EXOC4: variants seen among roughly 807,000 people sequenced by gnomAD.
The protein encoded by EXOC4 is SEC8-like 1.
Under a neutral mutation model 107.2 loss-of-function variants are expected in EXOC4, and 71 were observed. That is an observed-to-expected ratio of 0.66 (90% confidence interval 0.55 to 0.81). The LOEUF is 0.81. Ranked by LOEUF, EXOC4 falls within the 30% of genes least tolerant of loss-of-function variation. The pLI is 0.00. For synonymous variants in EXOC4, 456 were observed against 441.2 expected (o/e 1.03, Z -0.42); for missense variants, 1,108 against 1,189.6 (o/e 0.93, Z 1.01).
intron 14 of EXOC4, among the ~76,000 whole-genome samples, chr7:133,960,018 A>G (rs1800905914): frequency 6.6e-6 from 1 of 152,184 alleles, no homozygotes; most frequent in Admixed American, 6.5e-5. Flanking sequence ...TGGGGATTCT[A>G]GAGTAGTTAC....
At chr7:134,043,104 G>A (rs900295314) in intron 17 of EXOC4, among the ~76,000 whole-genome samples, 1 of 152,020 alleles carries the variant, frequency 6.6e-6, no homozygotes, top group Non-Finnish European at 1.5e-5. Context: ...CATGGGTTCG[G>A]ATGGTTTTTA....
chr7:133,882,240 A>G (rs1798981916), intron 11 of EXOC4, among the ~76,000 whole-genome samples: 1 of 152,126 alleles, frequency 6.6e-6, no homozygotes, highest in Non-Finnish European at 1.5e-5. Flanking sequence ...TCACAGTTTT[A>G]TTTATCTGCT....
chr7:133,516,757 C>CCTTTTTTTTTTTTTTTT (rs1563093913), intron 9 of EXOC4, among the ~76,000 whole-genome samples: 1 of 5,292 alleles, frequency 1.9e-4, no homozygotes, highest in Non-Finnish European at 4.2e-4. Flanking sequence ...ACTAGCTGCT[C>CCTTTTTTTTTTTTTTTT]ATTTTTTTTT....
chr7:133,617,487 A>C (rs1802221392), intron 9 of EXOC4, among the ~76,000 whole-genome samples: 2 of 152,212 alleles, frequency 1.3e-5, no homozygotes, highest in African/African-American at 4.8e-5. Context: ...AAATAACACA[A>C]ACGAACTGCA....
Position 133,437,628 on chromosome 7 carries a change from C to A in EXOC4, c.1183-37700C>A, listed in dbSNP as rs915824059. ...ATCTAATCTTTTTTCCACTTCACAT[C>A]TTTTATTTCCCCGTTTTTCTGTGAT... On this transcript the variant is annotated intron_variant, in intron 7 of 17. Transcript: ENST00000253861. 2.0e-5 allele frequency among the ~76,000 whole-genome samples: 3 copies of A among 152,250 alleles called. No homozygotes were observed. The East Asian group carries it at 5.8e-4, about 29-fold the overall frequency.
chr7:133,711,123 G>C (rs543774523), intron 10 of EXOC4, among the ~76,000 whole-genome samples: 1 of 152,300 alleles, frequency 6.6e-6, no homozygotes, highest in East Asian at 1.9e-4. Flanking sequence ...GCACAACCAG[G>C]AAAATAATAG....
chr7:133,296,139 T>C (rs886581730), intron 3 of EXOC4, among the ~76,000 whole-genome samples: 9 of 152,168 alleles, frequency 5.9e-5, no homozygotes, highest in African/African-American at 2.2e-4. Flanking sequence ...CTGGCACATA[T>C]TTTGATAAAG....
rs1259014645 is a variant in EXOC4 at position 133,525,986 on chromosome 7, GC to G, written c.1417+45850del. On this transcript the variant is annotated intron_variant, in intron 9 of 17. Transcript: ENST00000253861. ...GTTTTCTGATTACTATTTCTCCTGA[GC>G]CAATATTCCAGAGAGAGAGACTGCG... 2.0e-4 allele frequency among the ~76,000 whole-genome samples: 30 copies of G among 152,060 alleles called. 1 individual carries two copies. The highest frequency in any genetic ancestry group is 1.5e-5 in the Non-Finnish European group (1 of 68,022).
chr7:133,880,660 C>G (rs1376055858), intron 11 of EXOC4, among the ~76,000 whole-genome samples: 2 of 152,128 alleles, frequency 1.3e-5, no homozygotes, highest in African/African-American at 4.8e-5. Flanking sequence ...CTTTTTCTCC[C>G]TTTCCTGCTG....
chr7:133,402,525 GTC>G (rs1797113676), intron 7 of EXOC4, among the ~76,000 whole-genome samples: 1 of 152,190 alleles, frequency 6.6e-6, no homozygotes, highest in African/African-American at 2.4e-5. Context: ...TTGAGACGGA[GTC>G]TTGCTCTGTT....
intron 11 of EXOC4, among the ~76,000 whole-genome samples, chr7:133,832,827 T>TG (rs1563019034): frequency 6.6e-6 from 1 of 152,154 alleles, no homozygotes; most frequent in Non-Finnish European, 1.5e-5. Flanking sequence ...GTATTGAAAT[T>TG]GTAGGGGTCA....
At chr7:133,330,309 C>T (rs1225292681) in intron 5 of EXOC4, among the ~76,000 whole-genome samples, 1 of 152,134 alleles carries the variant, frequency 6.6e-6, no homozygotes, top group African/African-American at 2.4e-5. Flanking sequence ...TCTCAGACTG[C>T]TGCTATGCTG....
intron 15 of EXOC4, among the ~76,000 whole-genome samples, chr7:134,001,316 ACT>A (rs993890110): frequency 1.3e-5 from 2 of 152,192 alleles, no homozygotes; most frequent in East Asian, 1.9e-4. Flanking sequence ...CTAAGTGTGC[ACT>A]CTCTGAAAAT....
chr7:133,741,978 T>C (rs1483376840), intron 10 of EXOC4, among the ~76,000 whole-genome samples: 1 of 152,194 alleles, frequency 6.6e-6, no homozygotes, highest in Non-Finnish European at 1.5e-5. Flanking sequence ...TGCCCTTTTA[T>C]GAAATGAATG....
chr7:133,569,071 G>C (rs550799214), intron 9 of EXOC4, among the ~76,000 whole-genome samples: 1 of 152,044 alleles, frequency 6.6e-6, no homozygotes, highest in Admixed American at 6.6e-5. Context: ...ATGTTGGAGA[G>C]GGTAGTAATA....
At chr7:133,822,239 T>C (rs1563013673) in intron 11 of EXOC4, among the ~76,000 whole-genome samples, 1 of 152,238 alleles carries the variant, frequency 6.6e-6, no homozygotes, top group Non-Finnish European at 1.5e-5. Context: ...GGATACCATC[T>C]CATGCTTTAT....
chr7:133,652,124 A>C (rs562728626), intron 10 of EXOC4, among the ~76,000 whole-genome samples: 2 of 152,338 alleles, frequency 1.3e-5, no homozygotes, highest in South Asian at 4.1e-4. Context: ...TCTCCCCGTG[A>C]CACTGACAGT....
At chr7:133,814,649 T>C (rs1181990039) in intron 10 of EXOC4, among the ~76,000 whole-genome samples, 2 of 152,364 alleles carry the variant, frequency 1.3e-5, no homozygotes, top group Non-Finnish European at 2.9e-5. Context: ...CAGTAATATA[T>C]GAGAATGCCT....
chr7:133,880,526 C>T (rs763657005), intron 11 of EXOC4, among the ~76,000 whole-genome samples: 5 of 152,134 alleles, frequency 3.3e-5, no homozygotes, highest in Non-Finnish European at 7.3e-5. Context: ...GACAACTTAG[C>T]CGTAGAGTTG....
Sources: allele counts gnomAD v4.1 joint callset (sites outside exome capture counted in the v4.1 genomes callset), GRCh38; gene constraint gnomAD v4.1.1; transcripts MANE v1.5; gene names NCBI Gene and HGNC (gene_info 2026-07-23, HGNC 2026-07-21).